Variants in RAD51B observed in about 807,000 individuals in gnomAD.
The protein encoded by RAD51B is DNA repair protein RAD51 homolog 2.
In RAD51B, 38 loss-of-function variants were observed where a neutral mutation model predicts 42.2. The ratio of observed to expected loss-of-function variants is 0.90; its 90% CI spans 0.70 to 1.18. The LOEUF (loss-of-function observed/expected upper bound fraction) is 1.18, where lower values mean the gene tolerates loss of function less well. Ranked by LOEUF, RAD51B falls within the 50% of genes most tolerant of loss-of-function variation. The pLI is 0.00. For synonymous variants in RAD51B, 154 were observed against 145.2 expected (o/e 1.06, Z -0.43); for missense variants, 373 against 400.7 (o/e 0.93, Z 0.59).
chr14:68,640,194 T>G (rs1892428481), intron 10 of RAD51B, among the ~76,000 whole-genome samples: 1 of 151,054 alleles, frequency 6.6e-6, no homozygotes, highest in African/African-American at 2.4e-5. Context: ...TGACATTAGC[T>G]TTACCTCCAA....
intron 7 of RAD51B, among the ~76,000 whole-genome samples, chr14:68,171,970 G>A (rs966794364): frequency 1.3e-5 from 2 of 152,092 alleles, no homozygotes; most frequent in African/African-American, 4.8e-5. Context: ...GCCTCCCAAA[G>A]TGCTGGGATT....
intron 7 of RAD51B, among the ~76,000 whole-genome samples, chr14:67,984,267 C>T (rs933409255): frequency 7.9e-5 from 12 of 152,056 alleles, no homozygotes; most frequent in African/African-American, 2.7e-4. Context: ...GATTTAGTTT[C>T]GTTCTTAGAA....
At chr14:67,909,346 A>T (rs1261790935) in intron 7 of RAD51B, among the ~76,000 whole-genome samples, 1 of 152,224 alleles carries the variant, frequency 6.6e-6, no homozygotes, top group Non-Finnish European at 1.5e-5. Context: ...AAAATTGATA[A>T]TACCTAGTGT....
chr14:68,506,413 C>T (rs1229443801), intron 10 of RAD51B, among the ~76,000 whole-genome samples: 1 of 152,220 alleles, frequency 6.6e-6, no homozygotes, highest in Non-Finnish European at 1.5e-5. Context: ...TGGTGGAAAC[C>T]TCTCACGACC....
intron 8 of RAD51B, among the ~76,000 whole-genome samples, chr14:68,324,314 T>G (rs750015549): frequency 3.3e-5 from 5 of 152,216 alleles, no homozygotes; most frequent in Non-Finnish European, 5.9e-5. Context: ...TGATGAGCCA[T>G]CCAGGCCTCA....
exon 11 of RAD51B, chr14:68,594,836 C>G (rs1890922775): frequency 1.7e-6 from 2 of 1,200,356 alleles, no homozygotes; most frequent in Non-Finnish European, 2.1e-6. Context: ...GCTCAGGTGC[C>G]CCTCCCCAGA....
chr14:68,222,669 T>C (rs1285295705), intron 7 of RAD51B, among the ~76,000 whole-genome samples: 1 of 152,114 alleles, frequency 6.6e-6, no homozygotes, highest in African/African-American at 2.4e-5. Context: ...CAAAAACCTA[T>C]TGAAATAAAA....
chr14:67,976,671 T>C (rs891446559), intron 7 of RAD51B, among the ~76,000 whole-genome samples: 1 of 152,006 alleles, frequency 6.6e-6, no homozygotes, highest in African/African-American at 2.4e-5. Flanking sequence ...ACTTCATGTC[T>C]AAAACACCAA....
At chr14:68,330,261 G>A (rs1042107805) in intron 8 of RAD51B, among the ~76,000 whole-genome samples, 2 of 152,126 alleles carry the variant, frequency 1.3e-5, no homozygotes, top group African/African-American at 4.8e-5. Flanking sequence ...GATGAAAGTA[G>A]GCTATTTAAC....
intron 8 of RAD51B, among the ~76,000 whole-genome samples, chr14:68,319,826 T>C (rs1163493667): frequency 2.6e-5 from 4 of 152,230 alleles, no homozygotes; most frequent in African/African-American, 9.6e-5. Context: ...CTGAGAATAA[T>C]AGCTATCATT....
At chr14:68,368,987 G>C (rs1012791098) in intron 8 of RAD51B, among the ~76,000 whole-genome samples, 3 of 151,220 alleles carry the variant, frequency 2.0e-5, no homozygotes, top group African/African-American at 7.3e-5. Flanking sequence ...TTATTTTTTA[G>C]GGTTTTCCCC....
chr14:67,939,561 C>A (rs1184603269), intron 7 of RAD51B, among the ~76,000 whole-genome samples: 1 of 152,106 alleles, frequency 6.6e-6, no homozygotes, highest in African/African-American at 2.4e-5. Flanking sequence ...TCGGTAGGGG[C>A]CCATGTATAG....
chr14:68,672,198 G>A (rs902562147), intron 11 of RAD51B, among the ~76,000 whole-genome samples: 5 of 152,148 alleles, frequency 3.3e-5, no homozygotes, highest in African/African-American at 1.2e-4. Flanking sequence ...CTTCCCTCCT[G>A]TAACCCCTGG....
intron 8 of RAD51B, among the ~76,000 whole-genome samples, chr14:68,311,849 T>C (rs967336281): frequency 6.6e-6 from 1 of 152,110 alleles, no homozygotes; most frequent in Non-Finnish European, 1.5e-5. Context: ...GCCAAGATCG[T>C]GCCACTGCAC....
rs75688355 is a variant in RAD51B at position 68,265,159 on chromosome 14, T to C, written c.757-26725T>C. On this transcript the variant is annotated intron_variant, in intron 7 of 10. Transcript: ENST00000471583. ...TGAATAGACCCTTATCAACTTACGA[T>C]AAACATTTATCAGTAGTTTAGACAG... Among the ~76,000 whole-genome samples, 1,449 of 152,350 alleles carry C rather than the reference T, an allele frequency of 9.5e-3. 27 individuals carry two copies. The highest frequency in any genetic ancestry group is 0.057 in the East Asian group (294 of 5,188).
At chr14:68,374,523 C>G (rs1038350099) in intron 8 of RAD51B, among the ~76,000 whole-genome samples, 1 of 152,074 alleles carries the variant, frequency 6.6e-6, no homozygotes, top group African/African-American at 2.4e-5. Flanking sequence ...AAAGATTTTG[C>G]AAGTCAGTGG....
At chr14:68,491,358 A>G (rs775122376) in intron 10 of RAD51B, among the ~76,000 whole-genome samples, 20 of 152,256 alleles carry the variant, frequency 1.3e-4, no homozygotes, top group Admixed American at 1.3e-4. Flanking sequence ...ATGTGAGGAC[A>G]TCATCCACAA....
At chr14:68,200,960 G>A (rs2079473107) in intron 7 of RAD51B, among the ~76,000 whole-genome samples, 1 of 152,046 alleles carries the variant, frequency 6.6e-6, no homozygotes, top group African/African-American at 2.4e-5. Context: ...CATCCACATG[G>A]TTTTTTCTAT....
chr14:68,011,958 A>G lies in RAD51B; in HGVS notation c.756+124754A>G, dbSNP rs141780619. On this transcript the variant is annotated intron_variant, in intron 7 of 10. Transcript: ENST00000471583. Reference sequence around the variant, plus strand: ...GTTAGAAGTGTTCAGTGTTTTATCAATCACACTGGGCTGTCATGAATCTCA... The same window carrying G: ...GTTAGAAGTGTTCAGTGTTTTATCAGTCACACTGGGCTGTCATGAATCTCA... 2.4e-3 allele frequency among the ~76,000 whole-genome samples: 372 copies of G among 152,240 alleles called. 1 individual carries two copies. The highest frequency in any genetic ancestry group is 8.2e-3 in the African/African-American group (341 of 41,558).
Sources: allele counts gnomAD v4.1 joint callset (sites outside exome capture counted in the v4.1 genomes callset), GRCh38; gene constraint gnomAD v4.1.1; transcripts MANE v1.5; gene names NCBI Gene and HGNC (gene_info 2026-07-23, HGNC 2026-07-21).